The following MYO16 variants were observed in gnomAD, a reference collection of about 807,000 sequenced individuals.
The protein encoded by MYO16 is myosin XVI, also known as unconventional myosin-XVI.
MYO16 carries 94 observed loss-of-function variants against 205.3 expected under a neutral mutation model. That is an observed-to-expected ratio of 0.46 (90% CI 0.39 to 0.54). The LOEUF (loss-of-function observed/expected upper bound fraction) is 0.54. Among genes scored for constraint, MYO16 ranks in the 20% least tolerant of loss-of-function variants. The probability of loss-of-function intolerance (pLI) is 0.00; values close to 1 mark genes in which losing one functional copy is unlikely to be tolerated. For missense variants in MYO16, 2,315 were observed against 2,387.5 expected, an observed-to-expected ratio of 0.97 and a Z score of 0.63; for synonymous variants, 988 against 954.0, an observed-to-expected ratio of 1.04 and a Z score of -0.66.
chr13:109,008,948 C>G lies in MYO16; in HGVS notation c.2494C>G (p.Leu832Val), dbSNP rs1324107909. The G allele has an allele frequency of 6.2e-7, 1 of 1,613,256 alleles. No individual in the cohort carries two copies. The highest frequency in any genetic ancestry group is 8.5e-7 in the Non-Finnish European group (1 of 1,179,662). ...GATGCACCACTATATCAATGAAGTG[C>G]TTTTTCTCCACGAGCAAGTGGAATG... The part of the protein sequence containing the change: ...EKMHHYINEV[L>V]FLHEQVECVQ... Residue 832 changes from leucine (L) to valine (V), a missense_variant, in exon 22 of 35, where the codon CTT (leucine) becomes GTT (valine). By Grantham distance (32) the Leu-to-Val change is conservative. This residue lies in a region of MYO16 where 1,213 missense variants were observed against 1,274.4 expected (regional missense o/e 0.95). Coordinates refer to ENST00000457511, the MANE Select transcript of MYO16 (RefSeq NM_001198950.3).
intron 27 of MYO16, among the ~76,000 whole-genome samples, chr13:109,079,468 C>T (rs1041846275): frequency 6.6e-6 from 1 of 152,028 alleles, no homozygotes; most frequent in East Asian, 1.9e-4. Flanking sequence ...TTTGTGGCAA[C>T]GTGGATGCAG....
At chr13:108,683,117 G>A (rs569716365) in intron 2 of MYO16, among the ~76,000 whole-genome samples, 2 of 152,202 alleles carry the variant, frequency 1.3e-5, no homozygotes, top group East Asian at 3.9e-4. Flanking sequence ...AATCTCCCCT[G>A]GTTTCCTCAG....
intron 16 of MYO16, among the ~76,000 whole-genome samples, chr13:108,947,314 G>A (rs1882976625): frequency 6.6e-6 from 1 of 152,018 alleles, no homozygotes; most frequent in Admixed American, 6.6e-5. Context: ...CCTCGCCTGC[G>A]GCATATTTCT....
Position 109,162,084 on chromosome 13 carries a change from CA to C in MYO16, c.5165-2811del, listed in dbSNP as rs772951407. On this transcript the variant is annotated intron_variant, in intron 32 of 34. Coordinates refer to ENST00000457511, the MANE Select transcript of MYO16 (RefSeq NM_001198950.3). This position sits in a 1 kb window ranked among gnomAD's most constrained non-coding sequence, Gnocchi z 4.6. The stretch of plus-strand genomic sequence containing the variant: ...GGCAACAGAGTGAGAGACTCTGCCT[CA>C]AAAAACAAAACAAAGCCCAAAAAAC... Among the ~76,000 whole-genome samples the C allele has an allele frequency of 1.3e-5, 2 of 151,978 alleles. No homozygotes were observed. The highest frequency in any genetic ancestry group is 6.6e-5 in the Admixed American group (1 of 15,264).
the MYO16 span, among the ~76,000 whole-genome samples, chr13:108,551,681 A>C: frequency 6.6e-6 from 1 of 152,130 alleles, no homozygotes; most frequent in African/African-American, 2.4e-5. Context: ...CCAGGGGATA[A>C]ATTTTCACCC....
intron 17 of MYO16, among the ~76,000 whole-genome samples, chr13:108,959,830 A>T (rs1161476556): frequency 6.6e-6 from 1 of 152,128 alleles, no homozygotes. Flanking sequence ...CATAGGGTCC[A>T]CCACACTGTA....
At chr13:109,177,050 G>GTGTT (rs1328513109) in intron 33 of MYO16, among the ~76,000 whole-genome samples, 1 of 152,188 alleles carries the variant, frequency 6.6e-6, no homozygotes, top group African/African-American at 2.4e-5. Context: ...AAGCGTCCTT[G>GTGTT]TGTTTTGTTG....
chr13:108,802,547 G>A (rs1886998468), intron 6 of MYO16, among the ~76,000 whole-genome samples: 1 of 152,176 alleles, frequency 6.6e-6, no homozygotes, highest in Non-Finnish European at 1.5e-5. Context: ...ATGGGAGTAT[G>A]AATATCCCTA....
chr13:108,587,594 A>G, the MYO16 span, among the ~76,000 whole-genome samples: 53,326 of 152,052 alleles, frequency 0.35, 10,676 homozygotes, highest in Non-Finnish European at 0.44. Context: ...TGAGATTGAC[A>G]AGGTATATTT....
At chr13:108,723,799 T>G (rs1392581881) in intron 3 of MYO16, among the ~76,000 whole-genome samples, 1 of 152,168 alleles carries the variant, frequency 6.6e-6, no homozygotes, top group Non-Finnish European at 1.5e-5. Context: ...TTTGGGCAAT[T>G]TTAGGTCCTT....
intron 21 of MYO16, among the ~76,000 whole-genome samples, chr13:109,000,522 G>T (rs967428822): frequency 3.3e-5 from 5 of 152,220 alleles, no homozygotes; most frequent in African/African-American, 1.2e-4. Context: ...TATTTTGGTA[G>T]AAATTATACA....
chr13:108,926,949 T>C (rs994690853), intron 16 of MYO16, among the ~76,000 whole-genome samples: 1 of 152,154 alleles, frequency 6.6e-6, no homozygotes, highest in African/African-American at 2.4e-5. Context: ...CTGTGATAAA[T>C]ACTAAAATGA....
chr13:108,864,416 T>C lies in MYO16; in HGVS notation c.1360-1761T>C, dbSNP rs1345078855. 2.6e-5 allele frequency among the ~76,000 whole-genome samples: 4 copies of C among 152,210 alleles called. 1 individual carries two copies. On this transcript the variant is annotated intron_variant, in intron 11 of 34. Coordinates refer to ENST00000457511, the MANE Select transcript of MYO16 (RefSeq NM_001198950.3). ...ATATATTGTAAAATTTCAAAATGTT[T>C]GGTGATTTTCTAGGTACCTACTAGT...
At chr13:109,153,765 A>C (rs1877819895) in intron 32 of MYO16, among the ~76,000 whole-genome samples, 1 of 152,218 alleles carries the variant, frequency 6.6e-6, no homozygotes, top group Non-Finnish European at 1.5e-5. Flanking sequence ...TCTCAAAAAA[A>C]AAGTGATTAA....
Position 109,051,389 on chromosome 13 carries a change from T to A in MYO16, c.2873-911T>A, listed in dbSNP as rs563565341. Among the ~76,000 whole-genome samples, 4 of 152,322 alleles carry A rather than the reference T, an allele frequency of 2.6e-5. No homozygotes were observed. In the South Asian group the frequency reaches 6.2e-4, roughly 24 times the overall value. On this transcript the variant is annotated intron_variant, in intron 24 of 34. Transcript: ENST00000457511. Reference sequence around the variant, plus strand: ...CACTTTGCCACAAAACGTTGCCAACTGTCTGATTGGCTAAGCGTGATCCTA... The same window carrying A: ...CACTTTGCCACAAAACGTTGCCAACAGTCTGATTGGCTAAGCGTGATCCTA...
At chr13:108,901,019 G>T (rs1372197615) in intron 15 of MYO16, among the ~76,000 whole-genome samples, 2 of 152,134 alleles carry the variant, frequency 1.3e-5, no homozygotes, top group African/African-American at 4.8e-5. Context: ...ATAAGCCCCG[G>T]TCTCCCACAG....
intron 4 of MYO16, among the ~76,000 whole-genome samples, chr13:108,733,412 G>A (rs574996380): frequency 1.3e-5 from 2 of 152,264 alleles, no homozygotes; most frequent in Admixed American, 1.3e-4. Context: ...ATTCAAGAAC[G>A]AGGCAAATCT....
chr13:109,005,747 A>G (rs953254539), intron 21 of MYO16, among the ~76,000 whole-genome samples: 1 of 152,074 alleles, frequency 6.6e-6, no homozygotes, highest in Admixed American at 6.6e-5. Flanking sequence ...CTAGAACTTT[A>G]CAGCAAGTCC....
chr13:108,819,573 C>A (rs1053491333), intron 7 of MYO16, among the ~76,000 whole-genome samples: 1 of 151,950 alleles, frequency 6.6e-6, no homozygotes, highest in Non-Finnish European at 1.5e-5. Flanking sequence ...ATGTTGAGTA[C>A]ATATTTTTAA....
Sources: allele counts gnomAD v4.1 joint callset (sites outside exome capture counted in the v4.1 genomes callset), GRCh38; gene constraint gnomAD v4.1.1; regional missense constraint gnomAD v4.1.1; non-coding constraint Gnocchi (gnomAD v3.1); transcripts MANE v1.5; gene names NCBI Gene and HGNC (gene_info 2026-07-23, HGNC 2026-07-21).